The following TSHZ3 variants were observed in gnomAD, a reference collection of about 807,000 sequenced individuals.
TSHZ3 encodes the protein teashirt zinc finger homeobox 3, also known as teashirt homolog 3.
Under a neutral mutation model 64.5 loss-of-function variants are expected in TSHZ3, and 10 were observed. The observed-to-expected ratio is 0.16, with a 90% CI of 0.10 to 0.26. The LOEUF is 0.26. TSHZ3 is among the 10% of genes least tolerant of loss of function. The pLI is 1.00. For missense variants in TSHZ3, 1,242 were observed against 1,421.7 expected, an observed-to-expected ratio of 0.87 and a Z score of 2.03; for synonymous variants, 608 against 593.1, an observed-to-expected ratio of 1.03 and a Z score of -0.36.
At chr19:31,318,030 A>G (rs779363825) in intron 1 of TSHZ3, among the ~76,000 whole-genome samples, 3 of 152,238 alleles carry the variant, frequency 2.0e-5, no homozygotes, top group Non-Finnish European at 4.4e-5. Context: ...TAAACCACTT[A>G]TAAAAGACAA....
chr19:31,262,532 CTT>C (rs879408203), intron 1 of TSHZ3, among the ~76,000 whole-genome samples: 1 of 151,744 alleles, frequency 6.6e-6, no homozygotes, highest in East Asian at 1.9e-4. Flanking sequence ...TCTTTCTGTG[CTT>C]TTTTTTAAAA....
At chr19:31,218,540 C>G (rs2145166009) in intron 4 of TSHZ3, among the ~76,000 whole-genome samples, 1 of 152,310 alleles carries the variant, frequency 6.6e-6, no homozygotes, top group East Asian at 1.9e-4. Context: ...ATCCTGCAGT[C>G]TCACTCCTAG....
At chr19:31,283,785 C>T (rs1976406379) in intron 1 of TSHZ3, among the ~76,000 whole-genome samples, 1 of 152,228 alleles carries the variant, frequency 6.6e-6, no homozygotes, top group Non-Finnish European at 1.5e-5. Context: ...CTTCTCTAGA[C>T]TGAGCTTGAC....
chr19:31,241,148 G>C (rs1489699094), intron 3 of TSHZ3, among the ~76,000 whole-genome samples: 1 of 152,076 alleles, frequency 6.6e-6, no homozygotes, highest in African/African-American at 2.4e-5. Flanking sequence ...CTTTTCATAG[G>C]AATGTGTGCA....
rs182741753 is a variant in TSHZ3 at position 31,189,950 on chromosome 19, A to C, written n.809+15006T>G. ...TTTTAAATTACCCATTTATCATCAA[A>C]AAATGACCTTCTTAATACAAGTAAT... On this transcript the variant is annotated intron_variant and non_coding_transcript_variant, in intron 5 of 6. Coordinates refer to the TSHZ3 transcript ENST00000651361. Among the ~76,000 whole-genome samples, 3 of 152,264 alleles carry C rather than the reference A, an allele frequency of 2.0e-5. No individual in the cohort carries two copies. The East Asian group carries it at 5.8e-4, about 29-fold the overall frequency.
intron 1 of TSHZ3, among the ~76,000 whole-genome samples, chr19:31,301,491 A>G (rs1358744595): frequency 6.6e-6 from 1 of 152,204 alleles, no homozygotes; most frequent in Admixed American, 6.5e-5. Context: ...GTCCACAATT[A>G]TGGCAACATG....
At chr19:31,150,532 C>T (rs559163298) in exon 7 of TSHZ3, among the ~76,000 whole-genome samples, 1 of 152,306 alleles carries the variant, frequency 6.6e-6, no homozygotes, top group South Asian at 2.1e-4. Context: ...GGATACCCTG[C>T]CCACTGGGAA....
At chr19:31,266,331 G>T (rs538343758) in intron 1 of TSHZ3, among the ~76,000 whole-genome samples, 1 of 152,260 alleles carries the variant, frequency 6.6e-6, no homozygotes, top group East Asian at 1.9e-4. Flanking sequence ...GAGTATGGTG[G>T]TGCATGGCTG....
chr19:31,164,280 G>A (rs1283226453), intron 5 of TSHZ3, among the ~76,000 whole-genome samples: 2 of 152,160 alleles, frequency 1.3e-5, no homozygotes, highest in African/African-American at 4.8e-5. Context: ...CCTGCACTGC[G>A]AATTCTGGGG....
At chr19:31,317,408 T>C (rs1037963350) in intron 1 of TSHZ3, among the ~76,000 whole-genome samples, 3 of 152,168 alleles carry the variant, frequency 2.0e-5, no homozygotes, top group African/African-American at 7.2e-5. Flanking sequence ...TGCAAAGAGC[T>C]GGGGGACCCT....
chr19:31,208,035 C>G (rs947932421), intron 4 of TSHZ3, among the ~76,000 whole-genome samples: 10 of 152,184 alleles, frequency 6.6e-5, no homozygotes, highest in Admixed American at 6.5e-4. Flanking sequence ...CTCTGTCCTG[C>G]TCGTGGCAAC....
rs796968063 is a variant in TSHZ3 at position 31,306,581 on chromosome 19, GTGTA to G, written c.41-26833_41-26830del. ...CGTGTGTGCGTATGTATGCGTGTGT[GTGTA>G]TGTGTGTGTGTAAAACCAGAATTCC... is the stretch of plus-strand genomic sequence containing the variant. On this transcript the variant is annotated intron_variant, in intron 1 of 1. Coordinates refer to ENST00000240587, the MANE Select transcript of TSHZ3 (RefSeq NM_020856.4). 9.7e-4 allele frequency among the ~76,000 whole-genome samples: 147 copies of G among 152,304 alleles called. 1 individual carries two copies. The highest frequency in any genetic ancestry group is 3.4e-3 in the African/African-American group (143 of 41,568).
chr19:31,319,272 C>T (rs955280523), intron 1 of TSHZ3, among the ~76,000 whole-genome samples: 3 of 152,180 alleles, frequency 2.0e-5, no homozygotes, highest in Admixed American at 6.6e-5. Flanking sequence ...AAAAGAAGAA[C>T]GTTGTCAACA....
chr19:31,349,613 C>T (rs181953129), upstream of TSHZ3: 47 of 168,044 alleles, frequency 2.8e-4, no homozygotes, highest in Admixed American at 2.7e-3. Context: ...CTGCCCCCCC[C>T]CGCCCCGTCC....
At chr19:31,270,879 AATG>A (rs1976125503), downstream of TSHZ3, among the ~76,000 whole-genome samples, 1 of 152,222 alleles carries the variant, frequency 6.6e-6, no homozygotes, top group Non-Finnish European at 1.5e-5. Context: ...AATCATCAGG[AATG>A]ATTTATTAAG....
intron 5 of TSHZ3, among the ~76,000 whole-genome samples, chr19:31,168,557 T>C (rs930433224): frequency 1.3e-5 from 2 of 152,086 alleles, no homozygotes; most frequent in African/African-American, 4.8e-5. Context: ...GCAAACACCA[T>C]AGGCTCTGAA....
intron 1 of TSHZ3, among the ~76,000 whole-genome samples, chr19:31,330,563 C>T (rs1045458950): frequency 2.6e-5 from 4 of 152,160 alleles, no homozygotes; most frequent in Non-Finnish European, 5.9e-5. Flanking sequence ...TTTTCTCCTC[C>T]CTACCCACTC....
At chr19:31,240,858 A>T (rs1484211220) in intron 3 of TSHZ3, among the ~76,000 whole-genome samples, 1 of 152,012 alleles carries the variant, frequency 6.6e-6, no homozygotes, top group Non-Finnish European at 1.5e-5. Context: ...CTGAATTTCC[A>T]TTCGGTTGAT....
At chr19:31,196,874 C>T (rs997424712) in intron 5 of TSHZ3, among the ~76,000 whole-genome samples, 3 of 151,904 alleles carry the variant, frequency 2.0e-5, no homozygotes, top group African/African-American at 4.8e-5. Flanking sequence ...GAGACTTCAA[C>T]ACTCTTCTAT....
Sources: allele counts gnomAD v4.1 joint callset (sites outside exome capture counted in the v4.1 genomes callset), GRCh38; gene constraint gnomAD v4.1.1; transcripts MANE v1.5; gene names NCBI Gene and HGNC (gene_info 2026-07-23, HGNC 2026-07-21).